NCAPD3: variants seen among roughly 807,000 people sequenced by gnomAD.
NCAPD3 encodes condensin-2 complex subunit D3.
Under a neutral mutation model 182.9 loss-of-function variants are expected in NCAPD3, and 105 were observed. The ratio of observed to expected loss-of-function variants is 0.57; its 90% CI spans 0.49 to 0.68. NCAPD3 has a LOEUF of 0.68. Among genes scored for constraint, NCAPD3 ranks in the 30% least tolerant of loss-of-function variants. NCAPD3 has a pLI of 0.00. For synonymous variants in NCAPD3, 815 were observed against 679.9 expected (o/e 1.20, Z -3.09); for missense variants, 1,944 against 1,837.0 (o/e 1.06, Z -1.07).
At chr11:134,174,048 G>T (rs968855643) in intron 24 of NCAPD3, among the ~76,000 whole-genome samples, 5 of 151,744 alleles carry the variant, frequency 3.3e-5, no homozygotes, top group African/African-American at 1.2e-4. Flanking sequence ...AATTCAATAG[G>T]CTCTGCCACC....
intron 32 of NCAPD3, among the ~76,000 whole-genome samples, chr11:134,154,373 T>C (rs537105964): frequency 6.6e-6 from 1 of 152,142 alleles, no homozygotes; most frequent in East Asian, 1.9e-4. Flanking sequence ...CAAGCTGCCT[T>C]TACAGACTCA....
At position 134,176,276 on chromosome 11, in the gene NCAPD3, T is replaced by C. The variant is rs768213494; in HGVS notation, c.3101+31A>G. 6 of 1,583,728 alleles carry C rather than the reference T, an allele frequency of 3.8e-6. No homozygotes were observed. In the African/African-American group the frequency reaches 5.4e-5, roughly 14 times the overall value. ...CATACATCAGAAATGAGGTAAACTG[T>C]TGAGTCGTCTGACGTGAGGAAAAGA... On this transcript the variant is annotated intron_variant, in intron 24 of 34. Transcript: ENST00000534548.
chr11:134,177,755 G>A (rs1301064265), intron 22 of NCAPD3: 1 of 363,824 alleles, frequency 2.7e-6, no homozygotes, highest in Non-Finnish European at 5.0e-6. Context: ...CCCCTTACCT[G>A]GAAAATGATC....
intron 27 of NCAPD3, among the ~76,000 whole-genome samples, chr11:134,165,923 TGG>T (rs1174777704): frequency 1.1e-5 from 1 of 89,248 alleles, no homozygotes; most frequent in African/African-American, 4.6e-5. Flanking sequence ...GAGATGAGCT[TGG>T]GGGAGCAGCA....
rs776741918 is a variant in NCAPD3, at chr11:134,152,948, T to C, written c.4493A>G (p.Asn1498Ser). 9 of 1,549,248 alleles carry C rather than the reference T, an allele frequency of 5.8e-6. No individual in the cohort carries two copies. In the South Asian group the frequency reaches 6.3e-5, roughly 11 times the overall value. Residue 1498 changes from asparagine to serine, a missense_variant, in exon 35 of 35, where the codon AAC becomes AGC. This residue lies in a region of NCAPD3 where 1,803 missense variants were observed against 1,674.6 expected (regional missense o/e 1.08). Coordinates refer to ENST00000534548, the MANE Select transcript of NCAPD3 (RefSeq NM_015261.3). Reference sequence around the variant, plus strand: ...GACACTGGTGGGAGGCGCTGTTTAGTTGGCTGTTTTCAGAGGGGTCTTTCG... The same window carrying C: ...GACACTGGTGGGAGGCGCTGTTTAGCTGGCTGTTTTCAGAGGGGTCTTTCG... ...SLRKTPLKTA[N>S]
At chr11:134,179,250 T>C (rs1445507561) in intron 20 of NCAPD3, among the ~76,000 whole-genome samples, 1 of 152,194 alleles carries the variant, frequency 6.6e-6, no homozygotes, top group Non-Finnish European at 1.5e-5. Flanking sequence ...CTGGGATACA[T>C]CTACCTATAA....
intron 27 of NCAPD3, among the ~76,000 whole-genome samples, chr11:134,165,793 G>A (rs184905717): frequency 7.0e-6 from 1 of 142,046 alleles, no homozygotes; most frequent in Non-Finnish European, 1.5e-5. Flanking sequence ...GAGGAGCTTA[G>A]GGGAGATGCA....
chr11:134,186,076 CAATTA>C (rs1944400062), intron 16 of NCAPD3: 1 of 152,030 alleles, frequency 6.6e-6, no homozygotes. Context: ...GACAACCTAA[CAATTA>C]AATATGATGA....
intron 28 of NCAPD3, among the ~76,000 whole-genome samples, chr11:134,161,309 C>T (rs987535888): frequency 1.3e-5 from 2 of 152,194 alleles, no homozygotes; most frequent in African/African-American, 4.8e-5. Context: ...TCCTCATGGT[C>T]CCCTTGCTTG....
intron 13 of NCAPD3, among the ~76,000 whole-genome samples, chr11:134,197,891 T>C (rs76439421): frequency 0.036 from 5,489 of 152,274 alleles, 343 homozygotes; most frequent in African/African-American, 0.12. Flanking sequence ...CTCATATTGA[T>C]GAAAGTCATA....
intron 27 of NCAPD3, 39 bp from the exon 28 acceptor site, chr11:134,161,930 C>T (rs1943593770): frequency 9.0e-7 from 1 of 1,114,446 alleles, no homozygotes; most frequent in African/African-American, 2.4e-5. Context: ...GATGTATGAA[C>T]TTCTGAAAGA....
chr11:134,177,400 C>T lies in NCAPD3; in HGVS notation c.2840G>A (p.Arg947Gln), dbSNP rs1323541580. 7 of 1,614,108 alleles carry T rather than the reference C, an allele frequency of 4.3e-6. No individual in the cohort carries two copies. Among genetic ancestry groups the T allele is most frequent in the Non-Finnish European group, 5.9e-6 (7 of 1,180,046 alleles). The change falls in exon 23 of 35, where the codon CGA becomes CAA. Residue 947 changes from arginine (R) to glutamine (Q), a missense_variant. Arg to Gln is a conservative substitution (Grantham distance 43). Coordinates refer to ENST00000534548, the MANE Select transcript of NCAPD3 (RefSeq NM_015261.3). ...LAKKSIPALV[R>Q]ELEVCEDVAV... ...CACGTCCTCACACACCTCGAGCTCT[C>T]GCACCAGGGCTGGGATGCTCTTCTT... is the stretch of plus-strand genomic sequence containing the variant.
chr11:134,185,676 C>T (rs555734958), intron 16 of NCAPD3, 150 bp from the exon 17 acceptor site: 28 of 507,928 alleles, frequency 5.5e-5, no homozygotes, highest in African/African-American at 3.9e-4. Context: ...TAATTAGTGG[C>T]GTGTCTGATA....
chr11:134,187,946 C>A (rs969594839), intron 16 of NCAPD3, among the ~76,000 whole-genome samples: 1 of 152,216 alleles, frequency 6.6e-6, no homozygotes, highest in African/African-American at 2.4e-5. Flanking sequence ...GCTTTCATCA[C>A]CTCTACCATT....
At chr11:134,165,131 TAGG>T (rs1943731599) in intron 27 of NCAPD3, among the ~76,000 whole-genome samples, 1 of 149,120 alleles carries the variant, frequency 6.7e-6, no homozygotes, top group African/African-American at 2.5e-5. Flanking sequence ...GAGATGAGCT[TAGG>T]GGAGCAGCAC....
intron 2 of NCAPD3, among the ~76,000 whole-genome samples, 180 bp downstream of exon 2, chr11:134,220,392 T>C (rs1247617250): frequency 6.6e-6 from 1 of 152,088 alleles, no homozygotes; most frequent in African/African-American, 2.4e-5. Flanking sequence ...GACAAGTACC[T>C]TGAAGCTTTT....
intron 27 of NCAPD3, among the ~76,000 whole-genome samples, chr11:134,165,508 G>A (rs1469871348): frequency 6.8e-6 from 1 of 147,182 alleles, no homozygotes; most frequent in Non-Finnish European, 1.5e-5. Context: ...ATGAGCTTAC[G>A]GGAGCAGCAC....
intron 32 of NCAPD3, among the ~76,000 whole-genome samples, chr11:134,156,034 C>T (rs574138045): frequency 1.1e-3 from 166 of 152,340 alleles, no homozygotes; most frequent in African/African-American, 3.8e-3. Flanking sequence ...ACTAAACGAA[C>T]GGCAGGACAC....
intron 7 of NCAPD3, among the ~76,000 whole-genome samples, chr11:134,207,912 T>C (rs922554892): frequency 2.0e-5 from 3 of 152,206 alleles, no homozygotes; most frequent in Non-Finnish European, 4.4e-5. Context: ...GTGATAAAGA[T>C]ACTAAACTTA....
Sources: allele counts gnomAD v4.1 joint callset (sites outside exome capture counted in the v4.1 genomes callset), GRCh38; gene constraint gnomAD v4.1.1; regional missense constraint gnomAD v4.1.1; transcripts MANE v1.5; gene names NCBI Gene and HGNC (gene_info 2026-07-23, HGNC 2026-07-21).